The following SLC9A9 variants were observed in gnomAD, a reference collection of about 807,000 sequenced individuals.
SLC9A9 encodes sodium/hydrogen exchanger 9.
Under a neutral mutation model 77.8 loss-of-function variants are expected in SLC9A9, and 62 were observed. The observed-to-expected ratio is 0.80, with a 90% CI of 0.65 to 0.98. SLC9A9 has a LOEUF of 0.98. Ranked by LOEUF, SLC9A9 falls within the 50% of genes least tolerant of loss-of-function variation. The probability of loss-of-function intolerance (pLI) is 0.00; values close to 1 mark genes in which losing one functional copy is unlikely to be tolerated. For missense variants in SLC9A9, 775 were observed against 774.9 expected (o/e 1.00, Z 0.00); for synonymous variants, 320 against 283.5 (o/e 1.13, Z -1.29).
rs374575429 is a variant in SLC9A9, at chr3:143,393,573, T to C, written c.1470-11459A>G. ...AGCAAGAGCAAACACATTCAAAAGC[T>C]AGCAGAAGGCAAGAAATAACTAAGA... On this transcript the variant is annotated intron_variant, in intron 12 of 15. Coordinates refer to ENST00000316549, the MANE Select transcript of SLC9A9 (RefSeq NM_173653.4). Among the ~76,000 whole-genome samples, 30 of 152,118 alleles carry C rather than the reference T, an allele frequency of 2.0e-4. No individual in the cohort carries two copies. The East Asian group carries it at 5.2e-3, about 26-fold the overall frequency.
chr3:143,458,974 T>A (rs1466173668), intron 12 of SLC9A9, among the ~76,000 whole-genome samples: 1 of 152,152 alleles, frequency 6.6e-6, no homozygotes. Context: ...TTAGATAATT[T>A]CTTATAATCT....
At chr3:143,394,151 A>C (rs980633408) in intron 12 of SLC9A9, among the ~76,000 whole-genome samples, 1 of 152,224 alleles carries the variant, frequency 6.6e-6, no homozygotes, top group Non-Finnish European at 1.5e-5. Context: ...ACAACAAAAA[A>C]AAGAGAATTT....
chr3:143,414,293 A>G (rs1486731970), intron 12 of SLC9A9, among the ~76,000 whole-genome samples: 2 of 152,154 alleles, frequency 1.3e-5, no homozygotes, highest in Non-Finnish European at 2.9e-5. Context: ...CTGCATATCT[A>G]TGTGTATCTG....
chr3:143,444,167 C>T (rs956013382), intron 12 of SLC9A9, among the ~76,000 whole-genome samples: 1 of 152,164 alleles, frequency 6.6e-6, no homozygotes, highest in Admixed American at 6.5e-5. Context: ...GCTTCAACTG[C>T]ATTTATAAAT....
chr3:143,683,916 T>C (rs1038370670), intron 5 of SLC9A9, among the ~76,000 whole-genome samples: 4 of 152,060 alleles, frequency 2.6e-5, no homozygotes, highest in Non-Finnish European at 4.4e-5. Flanking sequence ...AAAATATACA[T>C]GTCTCACTGT....
chr3:143,622,393 C>T (rs1316574245), intron 6 of SLC9A9, among the ~76,000 whole-genome samples: 9 of 152,196 alleles, frequency 5.9e-5, no homozygotes, highest in Admixed American at 5.2e-4. Context: ...CAAAGGGAAG[C>T]CCATCAGACT....
At chr3:143,570,713 A>G (rs930496559) in intron 8 of SLC9A9, among the ~76,000 whole-genome samples, 10 of 152,166 alleles carry the variant, frequency 6.6e-5, no homozygotes, top group Non-Finnish European at 2.9e-5. Flanking sequence ...GAATGAAAAA[A>G]GCAAGTTACT....
intron 5 of SLC9A9, among the ~76,000 whole-genome samples, chr3:143,690,622 A>C (rs1418140603): frequency 1.3e-5 from 2 of 152,188 alleles, no homozygotes; most frequent in African/African-American, 4.8e-5. Context: ...CAAAAATGGC[A>C]CCTTTTGATC....
chr3:143,457,419 G>T (rs2035113919), intron 12 of SLC9A9, among the ~76,000 whole-genome samples: 1 of 151,992 alleles, frequency 6.6e-6, no homozygotes, highest in Admixed American at 6.6e-5. Context: ...ACCAGGTTTT[G>T]GTCATCGATT....
In SLC9A9 at chr3:143,294,164, G is replaced by A. The variant is rs1247177239; in HGVS notation, c.1605-25184C>T. On this transcript the variant is annotated intron_variant, in intron 14 of 15. Coordinates refer to ENST00000316549, the MANE Select transcript of SLC9A9 (RefSeq NM_173653.4). The stretch of plus-strand genomic sequence containing the variant: ...TAGGTGCTTTAATAATGTCTTTCTG[G>A]CCAAATACAGTATTGATTTTTTATT... Among the ~76,000 whole-genome samples, 3 of 151,966 alleles carry A rather than the reference G, an allele frequency of 2.0e-5. No individual in the cohort carries two copies. In the East Asian group the frequency reaches 5.8e-4, roughly 29 times the overall value.
intron 5 of SLC9A9, among the ~76,000 whole-genome samples, chr3:143,678,578 C>G (rs1932965336): frequency 6.6e-6 from 1 of 152,170 alleles, no homozygotes. Flanking sequence ...AAGACCACCT[C>G]TGTCAGATTA....
intron 6 of SLC9A9, among the ~76,000 whole-genome samples, chr3:143,621,858 A>G (rs1342527917): frequency 6.6e-6 from 1 of 152,186 alleles, no homozygotes; most frequent in Non-Finnish European, 1.5e-5. Context: ...AAAAAGTTAA[A>G]AACCTTGAAA....
chr3:143,322,728 A>T (rs1255008625), intron 14 of SLC9A9, among the ~76,000 whole-genome samples: 1 of 152,234 alleles, frequency 6.6e-6, no homozygotes, highest in Non-Finnish European at 1.5e-5. Flanking sequence ...TGTATTAACT[A>T]GTATAACATA....
At chr3:143,442,403 T>C (rs1380214869) in intron 12 of SLC9A9, among the ~76,000 whole-genome samples, 1 of 152,224 alleles carries the variant, frequency 6.6e-6, no homozygotes, top group Non-Finnish European at 1.5e-5. Flanking sequence ...TGCAAATTGC[T>C]TGCTACCTAT....
intron 12 of SLC9A9, 150 bp downstream of exon 12, chr3:143,466,887 T>G: frequency 1.0e-6 from 1 of 958,206 alleles, no homozygotes; most frequent in Non-Finnish European, 1.6e-6. Flanking sequence ...TATGTCATAT[T>G]GTTTCACCTT....
intron 8 of SLC9A9, among the ~76,000 whole-genome samples, chr3:143,570,187 A>C (rs756995397): frequency 3.9e-5 from 6 of 152,178 alleles, no homozygotes; most frequent in Non-Finnish European, 8.8e-5. Flanking sequence ...TAACAACAAC[A>C]AAAAAGTAAC....
At chr3:143,478,423 G>A (rs1355708163) in intron 11 of SLC9A9, among the ~76,000 whole-genome samples, 1 of 152,110 alleles carries the variant, frequency 6.6e-6, no homozygotes, top group East Asian at 1.9e-4. Context: ...CCCAGTTCTC[G>A]AAGGTGCTTC....
At chr3:143,459,100 T>A (rs7631610) in intron 12 of SLC9A9, among the ~76,000 whole-genome samples, 1,823 of 147,888 alleles carry the variant, frequency 0.012, 36 homozygotes, top group African/African-American at 0.042. Flanking sequence ...TATTTATGTA[T>A]CTTCTATTTC....
At chr3:143,558,511 C>T (rs2108644322) in intron 8 of SLC9A9, among the ~76,000 whole-genome samples, 1 of 152,274 alleles carries the variant, frequency 6.6e-6, no homozygotes, top group Non-Finnish European at 1.5e-5. Flanking sequence ...GAGCCCAAGT[C>T]TTACATCAGC....
Sources: allele counts gnomAD v4.1 joint callset (sites outside exome capture counted in the v4.1 genomes callset), GRCh38; gene constraint gnomAD v4.1.1; transcripts MANE v1.5; gene names NCBI Gene and HGNC (gene_info 2026-07-23, HGNC 2026-07-21).